The following WTAP variants were observed in gnomAD, a reference collection of about 807,000 sequenced individuals.
WTAP encodes pre-mRNA-splicing regulator WTAP.
WTAP carries 8 observed loss-of-function variants against 50.0 expected under a neutral mutation model. The ratio of observed to expected loss-of-function variants is 0.16; its 90% CI spans 0.09 to 0.29. The LOEUF is 0.29. Ranked by LOEUF, WTAP falls within the 10% of genes least tolerant of loss-of-function variation. The pLI is 1.00. For missense variants in WTAP, 295 were observed against 470.7 expected (o/e 0.63, Z 3.45); for synonymous variants, 194 against 169.0 (o/e 1.15, Z -1.15).
intron 7 of WTAP, 24 bp downstream of exon 7, chr6:159,753,638 A>G: frequency 6.3e-7 from 1 of 1,585,288 alleles, no homozygotes; most frequent in South Asian, 1.2e-5. Flanking sequence ...TTCTTTTTGG[A>G]ACGTTGTCTC....
intron 1 of WTAP, among the ~76,000 whole-genome samples, chr6:159,733,663 C>T (rs1181258022): frequency 6.6e-6 from 1 of 151,960 alleles, no homozygotes; most frequent in Non-Finnish European, 1.5e-5. Context: ...GCCTGTAGTC[C>T]CAGCACTTGG....
chr6:159,736,376 C>G, intron 2 of WTAP, 81 bp downstream of exon 2: 1 of 1,084,652 alleles, frequency 9.2e-7, no homozygotes, highest in Non-Finnish European at 1.4e-6. Context: ...AAAAAATAGA[C>G]TTGAAGGGAT....
At chr6:159,754,489 G>A (rs534414791) in intron 7 of WTAP, among the ~76,000 whole-genome samples, 2 of 152,230 alleles carry the variant, frequency 1.3e-5, no homozygotes, top group South Asian at 4.1e-4. Flanking sequence ...TGGCAAGATG[G>A]ATCAAAACAA....
In WTAP at chr6:159,727,543, A is replaced by G. The variant is rs1562447222; in HGVS notation, c.-169A>G. On this transcript the variant is annotated 5_prime_UTR_variant, in exon 1 of 8. Transcript: ENST00000621533. Reference sequence around the variant, plus strand: ...CATTTTGTGGCAGCGAGACCCACAAATAAAGGGGAGCGCAGGGGTTGCGGC... The same window carrying G: ...CATTTTGTGGCAGCGAGACCCACAAGTAAAGGGGAGCGCAGGGGTTGCGGC... 1.0e-6 allele frequency: 1 copy of G among 990,686 alleles called. No individual in the cohort carries two copies. The allele number at this position is 990,686 out of a possible 1,614,324, so 61.4% of individuals were successfully genotyped here. A position where few individuals can be genotyped will look rare whatever the true frequency, so the allele number is the denominator to read the frequency against.
At chr6:159,746,561 C>G (rs73601326) in intron 5 of WTAP, among the ~76,000 whole-genome samples, 1,764 of 152,246 alleles carry the variant, frequency 0.012, 29 homozygotes, top group African/African-American at 0.041. Flanking sequence ...TGTCTACATG[C>G]AGTCTTTGCC....
At chr6:159,742,785 G>A (rs771735945) in intron 4 of WTAP, among the ~76,000 whole-genome samples, 1 of 152,096 alleles carries the variant, frequency 6.6e-6, no homozygotes, top group Non-Finnish European at 1.5e-5. Flanking sequence ...GCTAGGCACA[G>A]TGGCTCACAC....
At chr6:159,739,857 T>G (rs1054835349) in intron 3 of WTAP, among the ~76,000 whole-genome samples, 159 of 93,194 alleles carry the variant, frequency 1.7e-3, no homozygotes, top group African/African-American at 6.6e-3. Flanking sequence ...TTTTTTTTTT[T>G]GCCATAATCT....
At chr6:159,728,278 T>TC (rs1778341438) in intron 1 of WTAP, among the ~76,000 whole-genome samples, 1 of 152,228 alleles carries the variant, frequency 6.6e-6, no homozygotes, top group Non-Finnish European at 1.5e-5. Flanking sequence ...GATTTTTTTT[T>TC]CACCGTTTTT....
intron 2 of WTAP, 105 bp downstream of exon 2, chr6:159,736,400 T>C (rs1778919402): frequency 7.7e-6 from 7 of 908,076 alleles, no homozygotes; most frequent in Admixed American, 2.2e-5. Flanking sequence ...CGTTGTTTGC[T>C]TATTTTTCAT....
At position 159,739,002 on chromosome 6, in the gene WTAP, G is replaced by C. The variant is rs1779085267; in HGVS notation, c.43G>C (p.Glu15Gln). 1 of 1,611,836 alleles carries C rather than the reference G, an allele frequency of 6.2e-7. No homozygotes were observed. The highest frequency in any genetic ancestry group is 8.5e-7 in the Non-Finnish European group (1 of 1,178,830). The change falls in exon 3 of 8, where the codon GAA (glutamate) becomes CAA (glutamine). Residue 15 changes from glutamate (E) to glutamine (Q), a missense_variant. Physicochemically the swap from Glu to Gln is conservative, Grantham distance 29. Transcript: ENST00000621533. ...ATTCTCTTTATAGGTTCGATTGAGT[G>C]AAACAGACTTCAAAGTTATGGCAAG... ...EPLPKKVRLSETDFKVMARDE... is the reference protein window; with the variant it reads ...EPLPKKVRLSQTDFKVMARDE...
At position 159,727,582 on chromosome 6, in the gene WTAP, C is replaced by T. The variant is rs962161314; in HGVS notation, c.-130C>T. ...AGGGGTTGCGGCGGGACTAGGAGCGCGGCGGGGCCGGCGGCAGAGCTGTCC... is the reference window on the plus strand; with the variant it reads ...AGGGGTTGCGGCGGGACTAGGAGCGTGGCGGGGCCGGCGGCAGAGCTGTCC... On this transcript the variant is annotated 5_prime_UTR_variant, in exon 1 of 8. Coordinates refer to ENST00000621533, the MANE Select transcript of WTAP (RefSeq NM_001270531.2). The T allele has an allele frequency of 4.2e-5, 41 of 986,370 alleles. No individual in the cohort carries two copies. The highest frequency in any genetic ancestry group is 4.8e-5 in the Non-Finnish European group (40 of 830,902). 61.1% of individuals were successfully genotyped at this position (986,370 alleles called of 1,614,324 possible).
chr6:159,743,892 G>A (rs1053524506), intron 5 of WTAP, 100 bp downstream of exon 5: 2 of 1,278,796 alleles, frequency 1.6e-6, no homozygotes, highest in Admixed American at 6.4e-5. Context: ...AAATATAAGA[G>A]CTTATCTTTT....
intron 5 of WTAP, among the ~76,000 whole-genome samples, chr6:159,744,388 T>C (rs1779442513): frequency 6.6e-6 from 1 of 152,222 alleles, no homozygotes; most frequent in Non-Finnish European, 1.5e-5. Context: ...TGTTTCTGAT[T>C]TTAAAATCTG....
At chr6:159,727,136 G>A, upstream of WTAP, 1 of 1,194,944 alleles carries the variant, frequency 8.4e-7, no homozygotes, top group Non-Finnish European at 1.1e-6. Flanking sequence ...TACTGAGCTT[G>A]CTGAGCTCCG....
At chr6:159,734,690 T>G (rs1406578811) in intron 1 of WTAP, among the ~76,000 whole-genome samples, 1 of 152,194 alleles carries the variant, frequency 6.6e-6, no homozygotes, top group Non-Finnish European at 1.5e-5. Context: ...TAAGAACTAA[T>G]TACTTAATTT....
At chr6:159,743,609 A>T in intron 4 of WTAP, 56 bp from the exon 5 acceptor site, 1 of 1,492,280 alleles carries the variant, frequency 6.7e-7, no homozygotes, top group Admixed American at 2.1e-5. Flanking sequence ...TTCTTGACAG[A>T]GGTATTTAGA....
chr6:159,730,290 C>T (rs10440817), intron 1 of WTAP, among the ~76,000 whole-genome samples: 11 of 152,104 alleles, frequency 7.2e-5, no homozygotes, highest in Non-Finnish European at 1.5e-4. Context: ...TATTATTTTC[C>T]TTCAGGATTC....
At chr6:159,729,571 T>A (rs916208923) in intron 1 of WTAP, among the ~76,000 whole-genome samples, 3 of 134,120 alleles carry the variant, frequency 2.2e-5, no homozygotes, top group Non-Finnish European at 4.6e-5. Context: ...CATATTTTAT[T>A]TGAAAAATCT....
chr6:159,737,248 C>T (rs1459292104), intron 2 of WTAP, among the ~76,000 whole-genome samples: 1 of 152,086 alleles, frequency 6.6e-6, no homozygotes, highest in African/African-American at 2.4e-5. Flanking sequence ...GGGGTTTTAC[C>T]ATGTTGCCCA....
Sources: allele counts gnomAD v4.1 joint callset (sites outside exome capture counted in the v4.1 genomes callset), GRCh38; gene constraint gnomAD v4.1.1; transcripts MANE v1.5; gene names NCBI Gene and HGNC (gene_info 2026-07-23, HGNC 2026-07-21).